ANO2: variants seen among roughly 807,000 people sequenced by gnomAD.
ANO2 encodes anoctamin-2.
In ANO2, 101 loss-of-function variants were observed where a neutral mutation model predicts 124.2. The observed-to-expected ratio is 0.81, with a 90% CI of 0.69 to 0.96. The LOEUF (loss-of-function observed/expected upper bound fraction) is 0.96, where lower values mean the gene tolerates loss of function less well. Ranked by LOEUF, ANO2 falls within the 40% of genes least tolerant of loss-of-function variation. ANO2 has a pLI of 0.00. For missense variants in ANO2, 1,293 were observed against 1,274.5 expected (o/e 1.01, Z -0.22); for synonymous variants, 486 against 482.5 (o/e 1.01, Z -0.09).
intron 19 of ANO2, among the ~76,000 whole-genome samples, chr12:5,604,041 G>A (rs1212155316): frequency 6.6e-6 from 1 of 151,944 alleles, no homozygotes; most frequent in East Asian, 1.9e-4. Context: ...ATATTATGCA[G>A]TGGTTCAGGC....
intron 13 of ANO2, chr12:5,733,057 G>A: frequency 1.5e-6 from 1 of 685,914 alleles, no homozygotes; most frequent in South Asian, 1.7e-5. Context: ...CCCAGCTGGA[G>A]AAACAGATGT....
At chr12:5,886,633 T>A (rs1219612203) in intron 3 of ANO2, among the ~76,000 whole-genome samples, 1 of 152,200 alleles carries the variant, frequency 6.6e-6, no homozygotes, top group African/African-American at 2.4e-5. Flanking sequence ...GAAACTTTGG[T>A]AGATGTTGGA....
chr12:5,817,529 G>A (rs116634889), intron 7 of ANO2, among the ~76,000 whole-genome samples: 1 of 152,210 alleles, frequency 6.6e-6, no homozygotes, highest in Non-Finnish European at 1.5e-5. Context: ...GGTTTGATAA[G>A]AGCTCCAAGG....
Position 5,670,751 on chromosome 12 carries a change from G to A in ANO2, c.1546-22950C>T, listed in dbSNP as rs140598918. Among the ~76,000 whole-genome samples, 486 of 152,040 alleles carry A rather than the reference G, an allele frequency of 3.2e-3. 3 individuals carry two copies. The highest frequency in any genetic ancestry group is 0.011 in the African/African-American group (467 of 41,436). On this transcript the variant is annotated intron_variant, in intron 14 of 24. Transcript: ENST00000682330. ...GATGAGGTCTCTTCATGTTGCCCAC[G>A]TTGATCTCGAACTCCTGGTCTCAAG...
chr12:5,754,461 G>T (rs927504902), intron 10 of ANO2, among the ~76,000 whole-genome samples: 2 of 152,088 alleles, frequency 1.3e-5, no homozygotes, highest in African/African-American at 4.8e-5. Context: ...CTCTTTTCCT[G>T]TTTTTTGGAA....
At chr12:5,852,789 C>G (rs539693369) in intron 4 of ANO2, among the ~76,000 whole-genome samples, 2 of 150,568 alleles carry the variant, frequency 1.3e-5, no homozygotes, top group African/African-American at 4.9e-5. Context: ...ATGGTAGTTA[C>G]AAACAGCAAG....
intron 10 of ANO2, among the ~76,000 whole-genome samples, chr12:5,789,929 C>T (rs767722697): frequency 2.6e-5 from 4 of 152,188 alleles, no homozygotes; most frequent in Non-Finnish European, 5.9e-5. Context: ...AACATCACTC[C>T]AGGGAATATT....
intron 3 of ANO2, among the ~76,000 whole-genome samples, chr12:5,875,693 T>C (rs1356011698): frequency 6.6e-6 from 1 of 152,166 alleles, no homozygotes; most frequent in Non-Finnish European, 1.5e-5. Flanking sequence ...TTCTTGTGAT[T>C]AAGTGCAATG....
rs752104614 is a variant in ANO2, at chr12:5,806,108, T to C, written c.949-15A>G. On this transcript the variant is annotated splice_polypyrimidine_tract_variant and intron_variant, in intron 8 of 24. Transcript: ENST00000682330. ...TCGTATTCACCCTGTGGAGAAAAAG[T>C]GATGCTGGATAAAGCCAATGAAATT... 3 of 1,612,336 alleles carry C rather than the reference T, an allele frequency of 1.9e-6. No individual in the cohort carries two copies.
At chr12:5,683,264 T>C (rs1948577354) in intron 14 of ANO2, among the ~76,000 whole-genome samples, 1 of 152,088 alleles carries the variant, frequency 6.6e-6, no homozygotes, top group South Asian at 2.1e-4. Context: ...TATCTTATTT[T>C]AGGGAAAAAG....
At chr12:5,567,250 G>C (rs1941822001) in intron 23 of ANO2, among the ~76,000 whole-genome samples, 1 of 152,198 alleles carries the variant, frequency 6.6e-6, no homozygotes. Flanking sequence ...GCCCAGCAGA[G>C]CACCACGGGA....
intron 11 of ANO2, among the ~76,000 whole-genome samples, chr12:5,750,610 T>C (rs1215662094): frequency 3.9e-5 from 6 of 152,192 alleles, no homozygotes; most frequent in Non-Finnish European, 7.3e-5. Flanking sequence ...GGAGAAGAGC[T>C]TGACTAGAAG....
intron 4 of ANO2, among the ~76,000 whole-genome samples, chr12:5,842,616 G>C (rs1256402037): frequency 6.6e-6 from 1 of 152,200 alleles, no homozygotes; most frequent in Non-Finnish European, 1.5e-5. Context: ...TTCGCTACCA[G>C]CATTTATTTA....
At chr12:5,606,298 T>C (rs1944218821) in intron 19 of ANO2, among the ~76,000 whole-genome samples, 1 of 152,192 alleles carries the variant, frequency 6.6e-6, no homozygotes, top group African/African-American at 2.4e-5. Context: ...AGGAGTTATT[T>C]AGTTATTTCC....
intron 19 of ANO2, among the ~76,000 whole-genome samples, chr12:5,609,739 C>T (rs1944392625): frequency 6.6e-6 from 1 of 151,682 alleles, no homozygotes; most frequent in African/African-American, 2.4e-5. Flanking sequence ...TTACCAGGTC[C>T]CTGACACACC....
intron 10 of ANO2, among the ~76,000 whole-genome samples, chr12:5,785,071 C>G (rs1411632019): frequency 6.6e-6 from 1 of 152,208 alleles, no homozygotes; most frequent in African/African-American, 2.4e-5. Context: ...AGCTCCACCC[C>G]TACCCTGGAC....
At chr12:5,664,986 A>C (rs1031922512) in intron 14 of ANO2, among the ~76,000 whole-genome samples, 14 of 152,156 alleles carry the variant, frequency 9.2e-5, no homozygotes, top group Non-Finnish European at 1.5e-4. Flanking sequence ...ACCTAAGACC[A>C]GGACAAGGAC....
intron 7 of ANO2, among the ~76,000 whole-genome samples, chr12:5,813,830 T>C (rs1424069347): frequency 6.6e-6 from 1 of 152,162 alleles, no homozygotes; most frequent in Non-Finnish European, 1.5e-5. Context: ...TGGGAAATGT[T>C]AGAGTCAGAA....
chr12:5,725,952 G>C lies in ANO2; in HGVS notation c.1545+6568C>G, dbSNP rs79461669. On this transcript the variant is annotated intron_variant, in intron 14 of 24. Coordinates refer to ENST00000682330, the MANE Select transcript of ANO2 (RefSeq NM_001364791.2). ...AAAGTGCTGAGTGAATGGTTACAGG[G>C]ATGAGAGGCAAAGAACAGCACTGCT... Among the ~76,000 whole-genome samples the C allele has an allele frequency of 3.8e-3, 579 of 152,180 alleles. 4 individuals carry two copies. The highest frequency in any genetic ancestry group is 0.013 in the African/African-American group (521 of 41,508).
Sources: gnomAD v4.1 joint callset for allele counts (sites outside exome capture counted in the v4.1 genomes callset) on GRCh38, gnomAD v4.1.1 for gene constraint, MANE v1.5 for transcripts, NCBI Gene and HGNC (gene_info 2026-07-23, HGNC 2026-07-21) for gene names.